The following C8A variants were observed in gnomAD, a reference collection of about 807,000 sequenced individuals.
C8A encodes complement component C8 alpha chain.
A neutral mutation model predicts 65.3 loss-of-function variants in C8A; 67 were observed. That is an observed-to-expected ratio of 1.03 (90% confidence interval 0.84 to 1.26). C8A has a LOEUF of 1.26. C8A is among the 50% of genes most tolerant of loss of function. The pLI, the probability that C8A is intolerant of heterozygous loss-of-function variation, is 0.00. For missense variants in C8A, 781 were observed against 723.9 expected (o/e 1.08, Z -0.90); for synonymous variants, 290 against 259.4 (o/e 1.12, Z -1.13).
chr1:56,906,929 C>T lies in C8A; in HGVS notation c.1222+137C>T, dbSNP rs571785905. On this transcript the variant is annotated intron_variant, in intron 8 of 10. Coordinates refer to ENST00000361249, the MANE Select transcript of C8A (RefSeq NM_000562.3). ...TCAGACTGCATAGACGCTAAATACC[C>T]CAAAACAATGACCTGCAGTGGCTTT... The T allele has an allele frequency of 1.3e-4, 134 of 1,033,702 alleles. No homozygotes were observed. In the African/African-American group the frequency reaches 2.0e-3, roughly 15 times the overall value. 64.0% of individuals were successfully genotyped at this position (1,033,702 alleles called of 1,614,324 possible). A position where few individuals can be genotyped will look rare whatever the true frequency, so the allele number is the denominator to read the frequency against.
chr1:56,866,318 TAA>T (rs994139772), intron 1 of C8A, among the ~76,000 whole-genome samples: 14 of 152,248 alleles, frequency 9.2e-5, no homozygotes, highest in African/African-American at 2.7e-4. Flanking sequence ...TAATTTTAAA[TAA>T]GTTAATAAAT....
At chr1:56,881,748 G>T in intron 5 of C8A, 114 bp downstream of exon 5, 1 of 998,432 alleles carries the variant, frequency 1.0e-6, no homozygotes, top group Non-Finnish European at 1.6e-6. Context: ...AAAGTTTGCT[G>T]GTGTCTGAAG....
Position 56,862,622 on chromosome 1 carries a change from C to T in C8A, c.78-4987C>T, listed in dbSNP as rs74372005. On this transcript the variant is annotated intron_variant, in intron 1 of 10. Transcript: ENST00000361249. ...AAACTCTGCAATAGCACCATATAGA[C>T]TTGTGCTCATTCTACAGACTAAAAA... 8.9e-3 allele frequency among the ~76,000 whole-genome samples: 1,352 copies of T among 152,218 alleles called. 52 individuals carry two copies. In the South Asian group the frequency reaches 0.12, roughly 13 times the overall value.
intron 7 of C8A, among the ~76,000 whole-genome samples, chr1:56,902,416 C>T (rs1050434781): frequency 1.3e-5 from 2 of 152,154 alleles, no homozygotes; most frequent in African/African-American, 2.4e-5. Flanking sequence ...TTAGTCGCCT[C>T]TAATATTTTC....
intron 9 of C8A, 111 bp from the exon 10 acceptor site, chr1:56,912,292 G>A: frequency 2.2e-6 from 2 of 919,872 alleles, no homozygotes; most frequent in Non-Finnish European, 3.5e-6. Context: ...GGGTGTCTGT[G>A]TCTGTGCCTG....
chr1:56,883,547 A>G lies in C8A; in HGVS notation c.721A>G (p.Lys241Glu), dbSNP rs2101237805. Residue 241 changes from lysine (K) to glutamate (E), a missense_variant, in exon 6 of 11, where the codon AAA (lysine) becomes GAA (glutamate). Lys to Glu is a moderately conservative substitution (Grantham distance 56). Coordinates refer to ENST00000361249, the MANE Select transcript of C8A (RefSeq NM_000562.3). ...TGCAAATGACCTTCTTTCCAAAGTT[A>G]AAAAAGACAAGTCTGACTCATTTGG... The part of the protein sequence containing the change: ...DNANDLLSKV[K>E]KDKSDSFGVT... The G allele has an allele frequency of 6.2e-7, 1 of 1,614,000 alleles. No homozygotes were observed. Among genetic ancestry groups the G allele is most frequent in the East Asian group, 2.2e-5 (1 of 44,874 alleles).
At chr1:56,874,179 A>G (rs1358957348) in intron 2 of C8A, among the ~76,000 whole-genome samples, 1 of 152,166 alleles carries the variant, frequency 6.6e-6, no homozygotes, top group East Asian at 1.9e-4. Context: ...GTCTCTTTGT[A>G]AAAGAAAATC....
intron 10 of C8A, 119 bp from the exon 11 acceptor site, chr1:56,917,446 G>A: frequency 3.1e-6 from 3 of 967,196 alleles, no homozygotes; most frequent in South Asian, 1.3e-5. Flanking sequence ...TCGACCAGAG[G>A]AGGGGAGGCC....
intron 7 of C8A, among the ~76,000 whole-genome samples, chr1:56,889,783 C>CTGT (rs1016064984): frequency 1.3e-5 from 2 of 152,040 alleles, no homozygotes; most frequent in Non-Finnish European, 2.9e-5. Context: ...ATGCACGAGG[C>CTGT]TGTTTTCTTC....
intron 8 of C8A, 40 bp from the exon 9 acceptor site, chr1:56,907,916 T>A (rs1272567926): frequency 6.2e-7 from 1 of 1,613,118 alleles, no homozygotes; most frequent in African/African-American, 1.3e-5. Flanking sequence ...CTTGGGCTTT[T>A]TGGGAAATGA....
chr1:56,863,885 C>CCCTT (rs142233140), intron 1 of C8A, among the ~76,000 whole-genome samples: 14 of 139,654 alleles, frequency 1.0e-4, no homozygotes, highest in South Asian at 5.3e-4. Flanking sequence ...CTCCTTCTCT[C>CCCTT]CCTTCCTTCC....
intron 8 of C8A, among the ~76,000 whole-genome samples, chr1:56,907,157 G>A (rs1013223709): frequency 6.6e-6 from 1 of 152,262 alleles, no homozygotes; most frequent in South Asian, 2.1e-4. Flanking sequence ...ATATGGTACC[G>A]AGTCCAAGCT....
Position 56,883,711 on chromosome 1 carries a change from G to A in C8A, c.855+30G>A, listed in dbSNP as rs774653839. ...TCAAACATAATGTCTGTGTCTCACA[G>A]TATTCCATAATATACACTGAACACG... On this transcript the variant is annotated intron_variant, in intron 6 of 10. Transcript: ENST00000361249. 8 of 1,569,662 alleles carry A rather than the reference G, an allele frequency of 5.1e-6. No homozygotes were observed. The Admixed American group carries it at 6.7e-5, about 13-fold the overall frequency.
intron 4 of C8A, among the ~76,000 whole-genome samples, chr1:56,878,864 A>G (rs1388443402): frequency 6.6e-6 from 1 of 152,172 alleles, no homozygotes; most frequent in Non-Finnish European, 1.5e-5. Flanking sequence ...ACCTATGTGT[A>G]CTGGGCATTA....
chr1:56,907,962 C>T lies in C8A; in HGVS notation c.1229C>T (p.Ala410Val), dbSNP rs1644478645. Residue 410 changes from alanine (A) to valine (V), a missense_variant, in exon 9 of 11, where the codon GCC (alanine) becomes GTC (valine). Physicochemically the swap from Ala to Val is moderately conservative, Grantham distance 64 (BLOSUM62 0). Coordinates refer to ENST00000361249, the MANE Select transcript of C8A (RefSeq NM_000562.3). ...KKFGGGKTER[A>V]RKAMAVEDII... The stretch of plus-strand genomic sequence containing the variant: ...TTTATCCTCTTGATGGCAGAAAGGG[C>T]CAGGAAGGCCATGGCTGTGGAAGAC... 1 of 1,614,090 alleles carries T rather than the reference C, an allele frequency of 6.2e-7. No homozygotes were observed. Among genetic ancestry groups the T allele is most frequent in the Non-Finnish European group, 8.5e-7 (1 of 1,179,996 alleles).
At chr1:56,881,091 C>A (rs550950020) in intron 4 of C8A, among the ~76,000 whole-genome samples, 1 of 152,270 alleles carries the variant, frequency 6.6e-6, no homozygotes, top group Admixed American at 6.5e-5. Flanking sequence ...AGGCTCAGGC[C>A]AGCCCATTTA....
rs964737133 is a variant in C8A at position 56,912,681 on chromosome 1, T to G, written c.1603+56T>G. ...GCCTGTCCCAGCTCAAAGGGGCCAG[T>G]GCAAAAAGGACTTTTGGGGTTCCCG... is the stretch of plus-strand genomic sequence containing the variant. On this transcript the variant is annotated intron_variant, in intron 10 of 10. Transcript: ENST00000361249. The G allele has an allele frequency of 2.6e-6, 4 of 1,538,208 alleles. No individual in the cohort carries two copies. The African/African-American group carries it at 5.5e-5, about 21-fold the overall frequency.
At chr1:56,885,298 T>C (rs1022214504) in intron 6 of C8A, among the ~76,000 whole-genome samples, 9 of 128,548 alleles carry the variant, frequency 7.0e-5, no homozygotes, top group Non-Finnish European at 1.2e-4. Flanking sequence ...AAATATATAT[T>C]TATATATATT....
intron 9 of C8A, among the ~76,000 whole-genome samples, chr1:56,908,467 A>G (rs1292553782): frequency 6.6e-6 from 1 of 152,248 alleles, no homozygotes; most frequent in Non-Finnish European, 1.5e-5. Context: ...CTTTTTCTGT[A>G]AAAGGTCAGA....
Sources: gnomAD v4.1 joint callset for allele counts (sites outside exome capture counted in the v4.1 genomes callset) on GRCh38, gnomAD v4.1.1 for gene constraint, MANE v1.5 for transcripts, NCBI Gene and HGNC (gene_info 2026-07-23, HGNC 2026-07-21) for gene names.